Variants in CAPN7 observed in about 807,000 individuals in gnomAD.
CAPN7 encodes calpain-7.
A neutral mutation model predicts 115.2 loss-of-function variants in CAPN7; 72 were observed. The ratio of observed to expected loss-of-function variants is 0.63; its 90% CI spans 0.52 to 0.76. CAPN7 has a LOEUF of 0.76. Among genes scored for constraint, CAPN7 ranks in the 30% least tolerant of loss-of-function variants. CAPN7 has a pLI of 0.00. For synonymous variants in CAPN7, 344 were observed against 322.3 expected, an observed-to-expected ratio of 1.07 and a Z score of -0.72; for missense variants, 905 against 971.5, an observed-to-expected ratio of 0.93 and a Z score of 0.91.
rs569661958 is a variant in CAPN7 at position 15,218,365 on chromosome 3, A to G, written c.370-108A>G. Reference sequence around the variant, plus strand: ...TTAATGTCATCTTTGTTTGTTCTCAATTTCAGCAAGTGTAATATGCATTGT... The same window carrying G: ...TTAATGTCATCTTTGTTTGTTCTCAGTTTCAGCAAGTGTAATATGCATTGT... On this transcript the variant is annotated intron_variant, in intron 3 of 20. Coordinates refer to ENST00000253693, the MANE Select transcript of CAPN7 (RefSeq NM_014296.3). 219 of 710,052 alleles carry G rather than the reference A, an allele frequency of 3.1e-4. No individual in the cohort carries two copies. In the African/African-American group the frequency reaches 3.5e-3, roughly 11 times the overall value. 44.0% of individuals were successfully genotyped at this position (710,052 alleles called of 1,614,324 possible).
intron 2 of CAPN7, among the ~76,000 whole-genome samples, chr3:15,216,978 C>T: frequency 6.6e-6 from 1 of 151,404 alleles, no homozygotes. Flanking sequence ...TGGCTCACAC[C>T]TGTAATCCCA....
At position 15,214,358 on chromosome 3, in the gene CAPN7, A is replaced by T. The variant is rs531290729; in HGVS notation, c.211+2146A>T. On this transcript the variant is annotated intron_variant, in intron 2 of 20. Coordinates refer to ENST00000253693, the MANE Select transcript of CAPN7 (RefSeq NM_014296.3). ...GGAACCCTAAGTTTTAAAACAAGATAGTCTGCTGACAGTTAAGAGAATCCT... is the reference window on the plus strand; with the variant it reads ...GGAACCCTAAGTTTTAAAACAAGATTGTCTGCTGACAGTTAAGAGAATCCT... 1.2e-4 allele frequency among the ~76,000 whole-genome samples: 18 copies of T among 152,348 alleles called. No homozygotes were observed. In the South Asian group the frequency reaches 3.7e-3, roughly 32 times the overall value.
At chr3:15,240,154 C>T (rs1695254247) in intron 12 of CAPN7, among the ~76,000 whole-genome samples, 1 of 152,206 alleles carries the variant, frequency 6.6e-6, no homozygotes. Flanking sequence ...AATGCATTAG[C>T]CACTATAGCT....
rs1268934597 is a variant in CAPN7, at chr3:15,206,475, C to T, written c.-21C>T. On this transcript the variant is annotated 5_prime_UTR_variant, in exon 1 of 21. Coordinates refer to ENST00000253693, the MANE Select transcript of CAPN7 (RefSeq NM_014296.3). ...CTGCGTCAGGGCCTCCTTCCCTGCC[C>T]CGGCGCGGGGCCACTGCGCCATGGA... is the stretch of plus-strand genomic sequence containing the variant. 2.6e-6 allele frequency: 4 copies of T among 1,529,952 alleles called. No individual in the cohort carries two copies. The highest frequency in any genetic ancestry group is 3.5e-6 in the Non-Finnish European group (4 of 1,134,172). The allele number at this position is 1,529,952 out of a possible 1,614,324, so 94.8% of individuals were successfully genotyped here. A position where few individuals can be genotyped will look rare whatever the true frequency, so the allele number is the denominator to read the frequency against.
chr3:15,230,445 A>G lies in CAPN7; in HGVS notation c.942A>G (p.Ile314Met). The G allele has an allele frequency of 1.2e-6, 2 of 1,604,408 alleles. No homozygotes were observed. Among genetic ancestry groups the G allele is most frequent in the Non-Finnish European group, 1.7e-6 (2 of 1,171,364 alleles). ...RRFNKKLITG[I>M]IYPQNKDGEP... ...ATATTTATTTTTCTTACAAAAGCAT[A>G]ATTTACCCTCAAAACAAGGATGGTG... Residue 314 changes from isoleucine (I) to methionine (M), a missense_variant, in exon 9 of 21, where the codon ATA becomes ATG. Around this residue, in one of 3 missense-constraint regions of CAPN7, gnomAD observed 620 missense variants for 703.4 expected, o/e 0.88. Coordinates refer to ENST00000253693, the MANE Select transcript of CAPN7 (RefSeq NM_014296.3).
intron 19 of CAPN7, among the ~76,000 whole-genome samples, chr3:15,250,514 C>T (rs1314628055): frequency 1.3e-5 from 2 of 151,978 alleles, no homozygotes; most frequent in Non-Finnish European, 2.9e-5. Context: ...ACTAAAAATA[C>T]AAAAAAATTT....
At chr3:15,210,597 T>C (rs1450398269) in intron 1 of CAPN7, among the ~76,000 whole-genome samples, 3 of 83,634 alleles carry the variant, frequency 3.6e-5, no homozygotes, top group East Asian at 7.2e-4. Context: ...GCTTCCTTCC[T>C]TTTTTTTTTT....
intron 19 of CAPN7, among the ~76,000 whole-genome samples, chr3:15,250,333 C>G (rs1233394471): frequency 1.3e-5 from 2 of 151,886 alleles, no homozygotes; most frequent in Non-Finnish European, 2.9e-5. Flanking sequence ...CATGATTGCT[C>G]CACTGTACTC....
At chr3:15,240,319 T>C (rs767422595) in intron 12 of CAPN7, among the ~76,000 whole-genome samples, 154 bp from the exon 13 acceptor site, 8 of 152,264 alleles carry the variant, frequency 5.3e-5, no homozygotes, top group African/African-American at 9.6e-5. Flanking sequence ...TTTTGATCGA[T>C]GTATGACCTG....
intron 2 of CAPN7, among the ~76,000 whole-genome samples, chr3:15,214,472 C>T (rs2045131212): frequency 6.6e-6 from 1 of 152,010 alleles, no homozygotes; most frequent in South Asian, 2.1e-4. Context: ...CCTGTAATCC[C>T]AGCACTTTGG....
intron 7 of CAPN7, among the ~76,000 whole-genome samples, chr3:15,228,374 A>G (rs1258292430): frequency 2.0e-5 from 3 of 152,224 alleles, no homozygotes; most frequent in Admixed American, 6.5e-5. Context: ...TGGTGTTTCT[A>G]TTTGTTACTT....
chr3:15,216,141 C>T (rs1053561428), intron 2 of CAPN7, among the ~76,000 whole-genome samples: 1 of 152,106 alleles, frequency 6.6e-6, no homozygotes, highest in African/African-American at 2.4e-5. Context: ...TCTCAATTCT[C>T]TTGGAATTCC....
At chr3:15,207,474 A>T (rs1295649988) in intron 1 of CAPN7, among the ~76,000 whole-genome samples, 2 of 152,158 alleles carry the variant, frequency 1.3e-5, no homozygotes, top group East Asian at 3.8e-4. Flanking sequence ...AAATTTTTTT[A>T]ATCTTTCTTC....
chr3:15,236,145 T>C (rs1269341213), intron 12 of CAPN7, among the ~76,000 whole-genome samples: 1 of 152,164 alleles, frequency 6.6e-6, no homozygotes, highest in Non-Finnish European at 1.5e-5. Context: ...TGCTTCAGCC[T>C]GAGTGATAGA....
Position 15,220,887 on chromosome 3 carries a change from A to T in CAPN7, c.544A>T (p.Asn182Tyr), listed in dbSNP as rs766629614. Reference protein sequence around the residue: ...PVRAHFPLGANPFLERPQSFI... With the variant: ...PVRAHFPLGAYPFLERPQSFI... ...GAGAGCACATTTTCCACTGGGCGCT[A>T]ATCCCTTCCTTGAAAGACCTCAGTC... Residue 182 changes from asparagine to tyrosine, a missense_variant, in exon 5 of 21, where the codon AAT (asparagine) becomes TAT (tyrosine). Coordinates refer to ENST00000253693, the MANE Select transcript of CAPN7 (RefSeq NM_014296.3). 5.0e-6 allele frequency: 8 copies of T among 1,614,202 alleles called. No homozygotes were observed. Among genetic ancestry groups the T allele is most frequent in the Admixed American group, 3.3e-5 (2 of 60,028 alleles).
intron 7 of CAPN7, 132 bp downstream of exon 7, chr3:15,228,097 TCTACACA>T: frequency 1.8e-6 from 1 of 557,238 alleles, no homozygotes; most frequent in Non-Finnish European, 2.8e-6. Flanking sequence ...AATTGTTCAT[TCTACACA>T]TTTTGACTGA....
At chr3:15,216,015 G>A (rs915390573) in intron 2 of CAPN7, among the ~76,000 whole-genome samples, 3 of 152,104 alleles carry the variant, frequency 2.0e-5, no homozygotes, top group Admixed American at 1.3e-4. Flanking sequence ...GAAAACCCAG[G>A]AAGTGGAGGT....
chr3:15,237,347 CT>C (rs1695052714), intron 12 of CAPN7, among the ~76,000 whole-genome samples: 1 of 152,174 alleles, frequency 6.6e-6, no homozygotes, highest in Admixed American at 6.5e-5. Flanking sequence ...GGCAATAGAA[CT>C]TTTCCAGCTC....
At chr3:15,240,686 CAT>C (rs916679552) in intron 13 of CAPN7, 66 bp from the exon 14 acceptor site, 197 of 1,539,794 alleles carry the variant, frequency 1.3e-4, no homozygotes, top group African/African-American at 2.5e-4. Flanking sequence ...CAAGACAAAA[CAT>C]GTGTAACTGA....
Sources: gnomAD v4.1 joint callset for allele counts (sites outside exome capture counted in the v4.1 genomes callset) on GRCh38, gnomAD v4.1.1 for gene constraint, gnomAD v4.1.1 regional missense constraint, MANE v1.5 for transcripts, NCBI Gene and HGNC (gene_info 2026-07-23, HGNC 2026-07-21) for gene names.